The following UNC5B variants were observed in gnomAD, a reference collection of about 807,000 sequenced individuals.
UNC5B encodes netrin receptor UNC5B.
UNC5B carries 56 observed loss-of-function variants against 103.7 expected under a neutral mutation model. That is an observed-to-expected ratio of 0.54 (90% CI 0.44 to 0.67). The LOEUF (loss-of-function observed/expected upper bound fraction) is 0.67, where lower values mean the gene tolerates loss of function less well. Ranked by LOEUF, UNC5B falls within the 30% of genes least tolerant of loss-of-function variation. The pLI is 0.00. For synonymous variants in UNC5B, 577 were observed against 542.0 expected (o/e 1.06, Z -0.90); for missense variants, 1,194 against 1,284.5 (o/e 0.93, Z 1.08).
intron 1 of UNC5B, among the ~76,000 whole-genome samples, chr10:71,269,737 C>A (rs1844601371): frequency 6.6e-6 from 1 of 151,964 alleles, no homozygotes; most frequent in South Asian, 2.1e-4. Context: ...AAACAGACAG[C>A]AAGCTTACAA....
chr10:71,249,247 C>A (rs7894342), intron 1 of UNC5B, among the ~76,000 whole-genome samples: 1 of 152,166 alleles, frequency 6.6e-6, no homozygotes, highest in East Asian at 1.9e-4. Context: ...CAGGCATGCT[C>A]CCCTCCAGAG....
intron 1 of UNC5B, among the ~76,000 whole-genome samples, chr10:71,264,739 G>A (rs1564722657): frequency 6.6e-6 from 1 of 152,124 alleles, no homozygotes; most frequent in African/African-American, 2.4e-5. Flanking sequence ...ACCCCACACC[G>A]ACTGAATCAG....
chr10:71,262,923 G>A (rs1001465398), intron 1 of UNC5B, among the ~76,000 whole-genome samples: 33 of 152,224 alleles, frequency 2.2e-4, no homozygotes, highest in Non-Finnish European at 7.3e-5. Flanking sequence ...ACACAAATAA[G>A]TATATAACTT....
chr10:71,285,072 G>C (rs952462354), intron 3 of UNC5B, among the ~76,000 whole-genome samples: 1 of 152,218 alleles, frequency 6.6e-6, no homozygotes, highest in Admixed American at 6.5e-5. Context: ...CTGTATAAAA[G>C]AAGCTGGCAG....
rs1845388106 is a variant in UNC5B, at chr10:71,295,667, C to T, written c.2176-144C>T. On this transcript the variant is annotated intron_variant, in intron 13 of 16. Transcript: ENST00000335350. ...TCCATCCGTCATCTATTCATCTTCT[C>T]ACACCATAAGCCCTCTGTGAGCTCT... 7 of 918,288 alleles carry T rather than the reference C, an allele frequency of 7.6e-6. No homozygotes were observed. In the East Asian group the frequency reaches 1.9e-4, roughly 24 times the overall value. The allele number at this position is 918,288 out of a possible 1,614,324, so 56.9% of individuals were successfully genotyped here.
At position 71,288,656 on chromosome 10, in the gene UNC5B, A is replaced by C. The variant is rs1229978733; in HGVS notation, c.990A>C (p.Pro330=). The stretch of plus-strand genomic sequence containing the variant: ...GTAGCCGCGAGTGCATGGCGCCCCC[A>C]CCCCAGAACGGAGGCCGTGACTGCA... ...HWRSRECMAP[P]PQNGGRDCSG... The change falls in exon 7 of 17, where the codon CCA becomes CCC. Residue 330 remains proline (P), a synonymous_variant. Transcript: ENST00000335350. The C allele has an allele frequency of 6.2e-7, 1 of 1,613,154 alleles. No individual in the cohort carries two copies. Among genetic ancestry groups the C allele is most frequent in the Non-Finnish European group, 8.5e-7 (1 of 1,179,922 alleles).
intron 1 of UNC5B, among the ~76,000 whole-genome samples, chr10:71,260,133 C>T (rs1844383184): frequency 6.6e-6 from 1 of 152,336 alleles, no homozygotes; most frequent in South Asian, 2.1e-4. Context: ...ATGGGGGTGG[C>T]CACCGCTCTG....
intron 1 of UNC5B, among the ~76,000 whole-genome samples, chr10:71,260,005 A>ATC (rs1844378239): frequency 6.6e-6 from 1 of 152,162 alleles, no homozygotes; most frequent in Non-Finnish European, 1.5e-5. Flanking sequence ...TCTAGGGGAC[A>ATC]AACAAGCCAA....
chr10:71,295,079 A>C (rs373463897), intron 13 of UNC5B, among the ~76,000 whole-genome samples: 4 of 152,114 alleles, frequency 2.6e-5, no homozygotes, highest in African/African-American at 9.7e-5. Flanking sequence ...TCCCAGGCTC[A>C]TGGGACTTGT....
intron 1 of UNC5B, among the ~76,000 whole-genome samples, chr10:71,231,948 C>A (rs374718642): frequency 6.6e-6 from 1 of 152,136 alleles, no homozygotes; most frequent in South Asian, 2.1e-4. Flanking sequence ...GACCCTGGAA[C>A]CTGAGGATCT....
chr10:71,254,267 T>C (rs1483146241), intron 1 of UNC5B, among the ~76,000 whole-genome samples: 1 of 152,242 alleles, frequency 6.6e-6, no homozygotes, highest in Non-Finnish European at 1.5e-5. Context: ...GTCACAAGAC[T>C]ATCAGTTCTG....
chr10:71,250,215 G>T (rs1040600591), intron 1 of UNC5B, among the ~76,000 whole-genome samples: 1 of 152,196 alleles, frequency 6.6e-6, no homozygotes, highest in African/African-American at 2.4e-5. Flanking sequence ...CAGTGCCGGT[G>T]GGGGAGACAT....
intron 13 of UNC5B, among the ~76,000 whole-genome samples, chr10:71,294,787 CT>C (rs1342998565): frequency 1.3e-5 from 2 of 151,926 alleles, no homozygotes; most frequent in African/African-American, 4.8e-5. Context: ...AGGGAAGGGT[CT>C]TTTAGTACCT....
chr10:71,252,527 G>A (rs976442388), intron 1 of UNC5B, among the ~76,000 whole-genome samples: 3 of 152,222 alleles, frequency 2.0e-5, no homozygotes, highest in Admixed American at 2.0e-4. Flanking sequence ...CCTGGGCTTG[G>A]AGAGATTGCT....
Position 71,291,082 on chromosome 10 carries a change from C to T in UNC5B, c.1267C>T (p.Pro423Ser), listed in dbSNP as rs1013739369. 1 of 1,613,862 alleles carries T rather than the reference C, an allele frequency of 6.2e-7. No individual in the cohort carries two copies. Among genetic ancestry groups the T allele is most frequent in the African/African-American group, 1.3e-5 (1 of 74,890 alleles). The change falls in exon 9 of 17, where the codon CCC (proline) becomes TCC (serine). Residue 423 changes from proline (P) to serine (S), a missense_variant. Coordinates refer to ENST00000335350, the MANE Select transcript of UNC5B (RefSeq NM_170744.5). ...TGCTGCCCTGACTGGTGGTTTCCAC[C>T]CCGTCAACTTTAAGACGGCAAGGCC... ...SSAALTGGFH[P>S]VNFKTARPSN...
At position 71,300,487 on chromosome 10, in the gene UNC5B, A is replaced by T. The variant is rs1198167579; in HGVS notation, c.*1210A>T. 2 of 152,164 alleles carry T rather than the reference A, an allele frequency of 1.3e-5. No individual in the cohort carries two copies. The highest frequency in any genetic ancestry group is 2.9e-5 in the Non-Finnish European group (2 of 68,052). 9.4% of individuals were successfully genotyped at this position (152,164 alleles called of 1,614,324 possible). Reference sequence around the variant, plus strand: ...CTCAAACAGAGAGATGAAGTAGGGGAGGGGAGTCCTCCACGGGCATCTCTC... The same window carrying T: ...CTCAAACAGAGAGATGAAGTAGGGGTGGGGAGTCCTCCACGGGCATCTCTC... On this transcript the variant is annotated 3_prime_UTR_variant, in exon 17 of 17. Coordinates refer to ENST00000335350, the MANE Select transcript of UNC5B (RefSeq NM_170744.5).
intron 1 of UNC5B, among the ~76,000 whole-genome samples, chr10:71,268,363 G>A (rs1368540463): frequency 6.6e-6 from 1 of 152,230 alleles, no homozygotes; most frequent in African/African-American, 2.4e-5. Context: ...TTATGCCAGT[G>A]TGATGCCAAG....
At chr10:71,251,998 C>T (rs1844184501) in intron 1 of UNC5B, among the ~76,000 whole-genome samples, 1 of 152,132 alleles carries the variant, frequency 6.6e-6, no homozygotes, top group Non-Finnish European at 1.5e-5. Flanking sequence ...TTCCCCTTCA[C>T]CTCCTCCAAC....
chr10:71,250,802 C>T (rs1246232398), intron 1 of UNC5B, among the ~76,000 whole-genome samples: 1 of 152,200 alleles, frequency 6.6e-6, no homozygotes, highest in Non-Finnish European at 1.5e-5. Context: ...TATAACTTTT[C>T]TAATTTATAA....
Sources: gnomAD v4.1 joint callset for allele counts (sites outside exome capture counted in the v4.1 genomes callset) on GRCh38, gnomAD v4.1.1 for gene constraint, MANE v1.5 for transcripts, NCBI Gene and HGNC (gene_info 2026-07-23, HGNC 2026-07-21) for gene names.